SLC8A1: variants seen among roughly 807,000 people sequenced by gnomAD.
SLC8A1 encodes solute carrier family 8 member A1.
Under a neutral mutation model 68.3 loss-of-function variants are expected in SLC8A1, and 18 were observed. The ratio of observed to expected loss-of-function variants is 0.26; its 90% CI spans 0.18 to 0.39. The LOEUF is 0.39. Ranked by LOEUF, SLC8A1 falls within the 10% of genes least tolerant of loss-of-function variation. SLC8A1 has a pLI of 1.00. For missense variants in SLC8A1, 985 were observed against 1,156.7 expected, an observed-to-expected ratio of 0.85 and a Z score of 2.15; for synonymous variants, 475 against 415.5, an observed-to-expected ratio of 1.14 and a Z score of -1.74.
At chr2:40,249,964 C>T (rs193223705) in intron 2 of SLC8A1, among the ~76,000 whole-genome samples, 1 of 152,164 alleles carries the variant, frequency 6.6e-6, no homozygotes, top group Non-Finnish European at 1.5e-5. Context: ...AGTAAACATC[C>T]AAATCTATTG....
intron 2 of SLC8A1, chr2:40,195,951 A>C (rs2052912519): frequency 6.6e-6 from 1 of 151,992 alleles, no homozygotes; most frequent in Non-Finnish European, 1.5e-5. Context: ...AAAAGAGTAA[A>C]GGGAGGCGGG....
At chr2:40,270,471 T>C (rs1489947739) in intron 2 of SLC8A1, among the ~76,000 whole-genome samples, 1 of 152,234 alleles carries the variant, frequency 6.6e-6, no homozygotes, top group Non-Finnish European at 1.5e-5. Context: ...TTCCTTGCCT[T>C]TTCCACCTTC....
chr2:40,493,056 T>C (rs1293607007), intron 1 of SLC8A1, among the ~76,000 whole-genome samples: 1 of 152,186 alleles, frequency 6.6e-6, no homozygotes, highest in African/African-American at 2.4e-5. Context: ...TCATGTTTAT[T>C]GTGGCACTAT....
chr2:40,135,363 G>C (rs12712683), intron 7 of SLC8A1, among the ~76,000 whole-genome samples: 87,112 of 151,882 alleles, frequency 0.57, 25,301 homozygotes, highest in East Asian at 0.79. Context: ...GTGTAGACTA[G>C]GATGGTGGTG....
At chr2:40,110,599 A>T (rs1029301321) in exon 8 of SLC8A1, 25 of 152,206 alleles carry the variant, frequency 1.6e-4, no homozygotes, top group Admixed American at 6.5e-4. Context: ...AGTGATTACA[A>T]TGATAAAAGC....
chr2:40,442,077 A>T (rs1700591657), intron 1 of SLC8A1, among the ~76,000 whole-genome samples: 1 of 148,002 alleles, frequency 6.8e-6, no homozygotes, highest in Non-Finnish European at 1.5e-5. Flanking sequence ...GAGGGATAGC[A>T]TTAGGAGATA....
intron 2 of SLC8A1, among the ~76,000 whole-genome samples, chr2:40,369,071 A>T (rs1209780516): frequency 2.6e-5 from 4 of 152,126 alleles, no homozygotes; most frequent in Non-Finnish European, 5.9e-5. Flanking sequence ...GTAAAACCCC[A>T]AACTATAAAA....
At chr2:40,454,527 C>T (rs895474114), upstream of SLC8A1, among the ~76,000 whole-genome samples, 1 of 141,538 alleles carries the variant, frequency 7.1e-6, no homozygotes, top group African/African-American at 2.7e-5. Context: ...TGAAAGGCTA[C>T]ATCTTGGCCA....
chr2:40,460,556 A>G (rs1176324916), intron 1 of SLC8A1, among the ~76,000 whole-genome samples: 1 of 151,212 alleles, frequency 6.6e-6, no homozygotes, highest in African/African-American at 2.4e-5. Context: ...ACTTATAGGT[A>G]AAATCAGACT....
chr2:40,300,405 T>TCC (rs10673829), intron 2 of SLC8A1, among the ~76,000 whole-genome samples: 3 of 151,972 alleles, frequency 2.0e-5, no homozygotes, highest in African/African-American at 7.3e-5. Context: ...CTTCACTGCT[T>TCC]TAGAAGTTCG....
chr2:40,381,577 GT>G (rs1364875411), intron 2 of SLC8A1, among the ~76,000 whole-genome samples: 1 of 151,802 alleles, frequency 6.6e-6, no homozygotes, highest in Non-Finnish European at 1.5e-5. Context: ...TCTCCATAAA[GT>G]TAGTCAAAAC....
intron 4 of SLC8A1, among the ~76,000 whole-genome samples, chr2:40,165,991 T>C (rs1200324453): frequency 6.6e-6 from 1 of 152,214 alleles, no homozygotes; most frequent in East Asian, 1.9e-4. Context: ...TGAAACATTA[T>C]CTGATATGGA....
At chr2:40,376,401 T>C (rs937427193) in intron 2 of SLC8A1, among the ~76,000 whole-genome samples, 1 of 152,074 alleles carries the variant, frequency 6.6e-6, no homozygotes, top group Non-Finnish European at 1.5e-5. Context: ...TTCTGTTCTA[T>C]AAAAGCAAGT....
chr2:40,205,479 T>TCTATCA (rs1191222777), intron 2 of SLC8A1, among the ~76,000 whole-genome samples: 3 of 151,950 alleles, frequency 2.0e-5, no homozygotes, highest in Non-Finnish European at 4.4e-5. Flanking sequence ...CTTTATCCAG[T>TCTATCA]CTATCACTGA....
At chr2:40,168,289 G>A (rs2046887105) in intron 4 of SLC8A1, among the ~76,000 whole-genome samples, 1 of 152,110 alleles carries the variant, frequency 6.6e-6, no homozygotes, top group Non-Finnish European at 1.5e-5. Context: ...GCTATTTGAA[G>A]TTGGCCTTGA....
chr2:40,266,983 G>T (rs1411204880), intron 2 of SLC8A1, among the ~76,000 whole-genome samples: 1 of 152,126 alleles, frequency 6.6e-6, no homozygotes, highest in Non-Finnish European at 1.5e-5. Flanking sequence ...GTAAATGAGG[G>T]GGTGAGGGCT....
intron 1 of SLC8A1, among the ~76,000 whole-genome samples, chr2:40,458,103 C>T (rs1008506226): frequency 1.3e-5 from 2 of 152,158 alleles, no homozygotes; most frequent in African/African-American, 2.4e-5. Context: ...AACCACTGAC[C>T]TAAGGTCAAA....
chr2:40,449,607 C>T (rs1702068434), intron 1 of SLC8A1, among the ~76,000 whole-genome samples: 1 of 152,082 alleles, frequency 6.6e-6, no homozygotes, highest in Admixed American at 6.6e-5. Flanking sequence ...CTTTTCTTCC[C>T]CTGGTCAACA....
exon 8 of SLC8A1, chr2:40,104,618 C>T (rs1360337743): frequency 6.6e-6 from 1 of 152,188 alleles, no homozygotes; most frequent in African/African-American, 2.4e-5. Context: ...CATAAGTGGA[C>T]TCTTCCTGAC....
Sources: gnomAD v4.1 joint callset for allele counts (sites outside exome capture counted in the v4.1 genomes callset) on GRCh38, gnomAD v4.1.1 for gene constraint, MANE v1.5 for transcripts, NCBI Gene and HGNC (gene_info 2026-07-23, HGNC 2026-07-21) for gene names.